PNLDC1: variants seen among roughly 807,000 people sequenced by gnomAD.
PNLDC1 encodes the protein PARN like ribonuclease domain containing exonuclease 1.
In PNLDC1, 70 loss-of-function variants were observed where a neutral mutation model predicts 82.0. The ratio of observed to expected loss-of-function variants is 0.85; its 90% confidence interval spans 0.70 to 1.04. The LOEUF (loss-of-function observed/expected upper bound fraction) is 1.04, where lower values mean the gene tolerates loss of function less well. PNLDC1 is among the 50% of genes least tolerant of loss of function. The pLI is 0.00. For synonymous variants in PNLDC1, 280 were observed against 249.3 expected (o/e 1.12, Z -1.16); for missense variants, 631 against 661.1 (o/e 0.95, Z 0.50).
intron 6 of PNLDC1, among the ~76,000 whole-genome samples, chr6:159,805,377 C>A (rs1052498630): frequency 2.0e-5 from 3 of 152,184 alleles, no homozygotes; most frequent in Non-Finnish European, 4.4e-5. Flanking sequence ...ATTAAATGAA[C>A]ATCTGAAATG....
In PNLDC1 at chr6:159,815,966, T is replaced by C. The variant is rs1214318903; in HGVS notation, c.996-3T>C. On this transcript the variant is annotated splice_region_variant and splice_polypyrimidine_tract_variant and intron_variant, in intron 12 of 18. Transcript: ENST00000392167. The stretch of plus-strand genomic sequence containing the variant: ...TTTTTATTCTATTTTTCTTTTCCAA[T>C]AGTGACTTGAATCCCACCAAGAATT... 1 of 1,611,756 alleles carries C rather than the reference T, an allele frequency of 6.2e-7. No homozygotes were observed. Among genetic ancestry groups the C allele is most frequent in the Non-Finnish European group, 8.5e-7 (1 of 1,178,456 alleles).
intron 12 of PNLDC1, among the ~76,000 whole-genome samples, chr6:159,814,454 C>T (rs1781749748): frequency 6.6e-6 from 1 of 152,202 alleles, no homozygotes; most frequent in African/African-American, 2.4e-5. Context: ...TGTACCGCTG[C>T]GGTCCAGACC....
intron 2 of PNLDC1, 126 bp from the exon 3 acceptor site, chr6:159,800,987 G>GTGC: frequency 7.0e-7 from 1 of 1,436,160 alleles, no homozygotes; most frequent in Admixed American, 1.7e-5. Flanking sequence ...AATGATGGTA[G>GTGC]TGCTCCCTAG....
At position 159,819,147 on chromosome 6, in the gene PNLDC1, C is replaced by A; in HGVS notation, c.1433+26C>A. ...GTAGGTGCCTCTAAGTCCGCGTCCC[C>A]CACCCCTCGTGCGTTCATCCCTGTA... On this transcript the variant is annotated intron_variant, in intron 17 of 18. Transcript: ENST00000392167. This position sits in a 1 kb window ranked among gnomAD's most constrained non-coding sequence, Gnocchi z 4.6. 6.2e-7 allele frequency: 1 copy of A among 1,611,904 alleles called. No individual in the cohort carries two copies. Among genetic ancestry groups the A allele is most frequent in the South Asian group, 1.1e-5 (1 of 90,992 alleles).
At chr6:159,818,823 C>A in intron 16 of PNLDC1, 123 bp from the exon 17 acceptor site, 1 of 1,261,038 alleles carries the variant, frequency 7.9e-7, no homozygotes, top group South Asian at 1.4e-5. Flanking sequence ...ATGGACTCAT[C>A]CTTCCTTCTC....
intron 11 of PNLDC1, 126 bp downstream of exon 11, chr6:159,811,912 T>G: frequency 8.0e-6 from 6 of 747,094 alleles, no homozygotes; most frequent in Non-Finnish European, 8.6e-6. Flanking sequence ...TTGTTTTGTT[T>G]TGTTTGAGAG....
chr6:159,800,251 GGGCAGCA>G (rs1781184730), upstream of PNLDC1: 4 of 785,582 alleles, frequency 5.1e-6, no homozygotes, highest in Non-Finnish European at 4.9e-6. Flanking sequence ...GGAAGCGCGT[GGGCAGCA>G]CGTGGGCAGC....
intron 15 of PNLDC1, 91 bp downstream of exon 15, chr6:159,817,242 G>A: frequency 8.4e-7 from 1 of 1,196,472 alleles, no homozygotes; most frequent in South Asian, 1.2e-5. Flanking sequence ...CAGTCCCAGG[G>A]TTCTACCAAA....
intron 13 of PNLDC1, 55 bp from the exon 14 acceptor site, chr6:159,816,488 G>A (rs1476303838): frequency 1.5e-5 from 23 of 1,507,332 alleles, no homozygotes; most frequent in Non-Finnish European, 2.1e-5. Flanking sequence ...GCTAGGATGG[G>A]GCGTGTTTCT....
At position 159,819,393 on chromosome 6, in the gene PNLDC1, T is replaced by G. The variant is rs1415800235; in HGVS notation, c.1532+41T>G. 6.4e-7 allele frequency: 1 copy of G among 1,573,464 alleles called. No homozygotes were observed. Among genetic ancestry groups the G allele is most frequent in the Non-Finnish European group, 8.7e-7 (1 of 1,150,356 alleles). ...AGGCCACCTGCCTGTCCTGGGGTCC[T>G]GGAGTGCCCGGGGTCCCAGCATCCC... On this transcript the variant is annotated intron_variant, in intron 18 of 18. Coordinates refer to ENST00000392167, the MANE Select transcript of PNLDC1 (RefSeq NM_001271862.2). The surrounding 1 kb of genome is among the most constrained non-coding windows in gnomAD (Gnocchi z 4.6).
chr6:159,813,816 C>T (rs774764854), intron 12 of PNLDC1, among the ~76,000 whole-genome samples, 160 bp downstream of exon 12: 2 of 152,116 alleles, frequency 1.3e-5, no homozygotes, highest in African/African-American at 2.4e-5. Context: ...CCCCTTCCTC[C>T]GATGACCCTC....
intron 7 of PNLDC1, 113 bp from the exon 8 acceptor site, chr6:159,808,627 C>T: frequency 1.0e-6 from 1 of 986,946 alleles, no homozygotes; most frequent in African/African-American, 1.6e-5. Context: ...ACCCTTCAAG[C>T]TCCCTTTCCA....
chr6:159,803,439 T>G, intron 4 of PNLDC1, 129 bp downstream of exon 4: 1 of 784,548 alleles, frequency 1.3e-6, no homozygotes, highest in Non-Finnish European at 2.1e-6. Context: ...CCTGTGTCTG[T>G]TCCTCCACTC....
Position 159,815,965 on chromosome 6 carries a change from A to G in PNLDC1, c.996-4A>G, listed in dbSNP as rs1562505334. ...TTTTTTATTCTATTTTTCTTTTCCA[A>G]TAGTGACTTGAATCCCACCAAGAAT... On this transcript the variant is annotated splice_region_variant and splice_polypyrimidine_tract_variant and intron_variant, in intron 12 of 18. Coordinates refer to ENST00000392167, the MANE Select transcript of PNLDC1 (RefSeq NM_001271862.2). 3.7e-6 allele frequency: 6 copies of G among 1,611,808 alleles called. No homozygotes were observed. Among genetic ancestry groups the G allele is most frequent in the Non-Finnish European group, 4.2e-6 (5 of 1,178,482 alleles).
Position 159,800,509 on chromosome 6 carries a change from G to A in PNLDC1, c.76+126G>A, listed in dbSNP as rs1781202359. The A allele has an allele frequency of 3.8e-6, 5 of 1,311,972 alleles. No homozygotes were observed. In the South Asian group the frequency reaches 4.3e-5, roughly 11 times the overall value. 81.3% of individuals were successfully genotyped at this position (1,311,972 alleles called of 1,614,324 possible). A position where few individuals can be genotyped will look rare whatever the true frequency, so the allele number is the denominator to read the frequency against. On this transcript the variant is annotated intron_variant, in intron 1 of 18. Transcript: ENST00000392167. ...GAGAGGGCCTCGGGAAGGACAGGGG[G>A]GCTTCCTTCTCCAGCCCCGGGGCGG...
chr6:159,806,778 G>A (rs1781462723), intron 7 of PNLDC1, among the ~76,000 whole-genome samples: 1 of 151,886 alleles, frequency 6.6e-6, no homozygotes, highest in Admixed American at 6.6e-5. Flanking sequence ...TGTCAATATA[G>A]GTATGTAAAA....
intron 7 of PNLDC1, among the ~76,000 whole-genome samples, chr6:159,808,366 A>AT (rs1169419001): frequency 6.6e-6 from 1 of 152,152 alleles, no homozygotes; most frequent in Non-Finnish European, 1.5e-5. Context: ...GAAAATAGTT[A>AT]TTTTTTATAA....
rs746762762 is a variant in PNLDC1, at chr6:159,819,401, C to T, written c.1532+49C>T. 4.5e-6 allele frequency: 7 copies of T among 1,539,658 alleles called. No individual in the cohort carries two copies. In the Admixed American group the frequency reaches 1.2e-4, roughly 27 times the overall value. On this transcript the variant is annotated intron_variant, in intron 18 of 18. Transcript: ENST00000392167. The surrounding 1 kb of genome is among the most constrained non-coding windows in gnomAD (Gnocchi z 4.6). ...TGCCTGTCCTGGGGTCCTGGAGTGC[C>T]CGGGGTCCCAGCATCCCAGCATGGT...
At chr6:159,816,383 G>A (rs983533490) in intron 13 of PNLDC1, among the ~76,000 whole-genome samples, 160 bp from the exon 14 acceptor site, 27 of 151,172 alleles carry the variant, frequency 1.8e-4, no homozygotes, top group Non-Finnish European at 3.5e-4. Context: ...TTTCTCCACC[G>A]TGGGGAGGAC....
Sources: allele counts gnomAD v4.1 joint callset (sites outside exome capture counted in the v4.1 genomes callset), GRCh38; gene constraint gnomAD v4.1.1; non-coding constraint Gnocchi (gnomAD v3.1); transcripts MANE v1.5; gene names NCBI Gene and HGNC (gene_info 2026-07-23, HGNC 2026-07-21).